Variants in AP3B1 observed in about 807,000 individuals in gnomAD.
AP3B1 encodes adaptor related protein complex 3 subunit beta 1.
Under a neutral mutation model 132.5 loss-of-function variants are expected in AP3B1, and 61 were observed. The ratio of observed to expected loss-of-function variants is 0.46; its 90% CI spans 0.37 to 0.57. The LOEUF is 0.57. AP3B1 is among the 20% of genes least tolerant of loss of function. AP3B1 has a pLI of 0.00. For synonymous variants in AP3B1, 388 were observed against 438.3 expected (o/e 0.89, Z 1.43); for missense variants, 1,120 against 1,289.4 (o/e 0.87, Z 2.01).
chr5:78,217,261 A>C (rs1353371653), intron 6 of AP3B1, among the ~76,000 whole-genome samples: 1 of 152,180 alleles, frequency 6.6e-6, no homozygotes, highest in Non-Finnish European at 1.5e-5. Flanking sequence ...GCTGACATTT[A>C]GTTTATTAAT....
chr5:78,207,566 C>T (rs919445339), intron 7 of AP3B1, among the ~76,000 whole-genome samples: 1 of 151,762 alleles, frequency 6.6e-6, no homozygotes, highest in Non-Finnish European at 1.5e-5. Flanking sequence ...ATGTAAACAT[C>T]GAATTTTTAA....
rs935062052 is a variant in AP3B1 at position 78,194,247 on chromosome 5, G to A, written c.787-12585C>T. ...TTATGCATATCATTTCAACCATCTT[G>A]ATATTCTGATTTCTTGTTATACAGA... On this transcript the variant is annotated intron_variant, in intron 7 of 26. Coordinates refer to ENST00000255194, the MANE Select transcript of AP3B1 (RefSeq NM_003664.5). 5.9e-5 allele frequency among the ~76,000 whole-genome samples: 9 copies of A among 151,986 alleles called. No individual in the cohort carries two copies. The East Asian group carries it at 1.7e-3, about 29-fold the overall frequency.
chr5:78,003,418 C>G (rs1746264342), intron 26 of AP3B1: 2 of 577,412 alleles, frequency 3.5e-6, no homozygotes, highest in South Asian at 7.7e-5. Context: ...TTTAAATAAG[C>G]CATTGTATTT....
At chr5:78,204,311 G>A (rs982945172) in intron 7 of AP3B1, among the ~76,000 whole-genome samples, 1 of 152,158 alleles carries the variant, frequency 6.6e-6, no homozygotes, top group African/African-American at 2.4e-5. Context: ...TTTGTTGCAT[G>A]TGGTCATGGA....
At chr5:78,046,778 G>A (rs903399461) in intron 22 of AP3B1, among the ~76,000 whole-genome samples, 1 of 151,672 alleles carries the variant, frequency 6.6e-6, no homozygotes, top group African/African-American at 2.4e-5. Context: ...AGGTATACAC[G>A]TGCCAAGGTG....
rs143931388 is a variant in AP3B1, at chr5:78,043,665, C to T, written c.2578-4391G>A. On this transcript the variant is annotated intron_variant, in intron 22 of 26. Coordinates refer to ENST00000255194, the MANE Select transcript of AP3B1 (RefSeq NM_003664.5). ...TGGTCAGCACATACAGTGAAGGAAC[C>T]CCCAGCAGAGACTCCCAGGCATACT... 1.7e-3 allele frequency: 763 copies of T among 454,854 alleles called. 8 individuals are homozygous for T. Among genetic ancestry groups the T allele is most frequent in the African/African-American group, 0.014 (712 of 49,372 alleles). 28.2% of individuals were successfully genotyped at this position (454,854 alleles called of 1,614,324 possible). A position where few individuals can be genotyped will look rare whatever the true frequency, so the allele number is the denominator to read the frequency against.
intron 24 of AP3B1, among the ~76,000 whole-genome samples, chr5:78,028,142 G>T (rs1450063977): frequency 1.3e-5 from 2 of 151,884 alleles, no homozygotes; most frequent in Admixed American, 6.6e-5. Context: ...CAAAAAAAAA[G>T]AAAATAATTA....
chr5:78,108,429 T>G (rs561391441), intron 20 of AP3B1, among the ~76,000 whole-genome samples: 1 of 152,184 alleles, frequency 6.6e-6, no homozygotes, highest in Non-Finnish European at 1.5e-5. Flanking sequence ...GTAGTTATGG[T>G]AGCTCCAAGG....
At chr5:78,120,832 A>C (rs1445545755) in intron 17 of AP3B1, among the ~76,000 whole-genome samples, 1 of 152,220 alleles carries the variant, frequency 6.6e-6, no homozygotes, top group Non-Finnish European at 1.5e-5. Context: ...TCAGCTCTGC[A>C]CCAAGCAGAC....
At chr5:78,039,004 C>G (rs1438567581) in intron 23 of AP3B1, 39 bp downstream of exon 23, 1 of 1,247,578 alleles carries the variant, frequency 8.0e-7, no homozygotes, top group Non-Finnish European at 1.2e-6. Context: ...ATTTAGTGAT[C>G]AAATATAGTT....
intron 3 of AP3B1, among the ~76,000 whole-genome samples, chr5:78,229,071 T>C (rs1746519130): frequency 6.6e-6 from 1 of 152,136 alleles, no homozygotes; most frequent in African/African-American, 2.4e-5. Flanking sequence ...TGGCTGGAAC[T>C]ACAGGTATGC....
chr5:78,253,741 C>T (rs1241483611), intron 2 of AP3B1, among the ~76,000 whole-genome samples: 8 of 152,000 alleles, frequency 5.3e-5, no homozygotes, highest in Middle Eastern at 6.8e-3. Flanking sequence ...CTGAGGTAGA[C>T]GGATCATGAA....
At chr5:78,277,010 T>G (rs1748809483) in intron 1 of AP3B1, among the ~76,000 whole-genome samples, 1 of 151,968 alleles carries the variant, frequency 6.6e-6, no homozygotes, top group Non-Finnish European at 1.5e-5. Context: ...GTACAAGTAA[T>G]AAAATAATAA....
At chr5:78,272,065 A>C (rs1561213254) in intron 1 of AP3B1, among the ~76,000 whole-genome samples, 1 of 152,196 alleles carries the variant, frequency 6.6e-6, no homozygotes, top group Non-Finnish European at 1.5e-5. Context: ...CACCTAAGAG[A>C]CTTCATAAGA....
rs766676426 is a variant in AP3B1 at position 78,046,343 on chromosome 5, C to T, written c.2578-7069G>A. Reference sequence around the variant, plus strand: ...GCGCATGCGAGGGATCTAGGCAGCACGCCCCTTATGAGCATCTAACGCCTG... The same window carrying T: ...GCGCATGCGAGGGATCTAGGCAGCATGCCCCTTATGAGCATCTAACGCCTG... On this transcript the variant is annotated intron_variant, in intron 22 of 26. Coordinates refer to ENST00000255194, the MANE Select transcript of AP3B1 (RefSeq NM_003664.5). 3.3e-5 allele frequency among the ~76,000 whole-genome samples: 5 copies of T among 152,172 alleles called. No homozygotes were observed. In the East Asian group the frequency reaches 5.8e-4, roughly 18 times the overall value.
intron 20 of AP3B1, among the ~76,000 whole-genome samples, chr5:78,108,800 C>A (rs1221398567): frequency 6.6e-6 from 1 of 152,058 alleles, no homozygotes; most frequent in African/African-American, 2.4e-5. Flanking sequence ...GGGTACAACA[C>A]AACATGATGT....
At chr5:78,136,416 G>A (rs1198026528) in intron 15 of AP3B1, among the ~76,000 whole-genome samples, 3 of 152,064 alleles carry the variant, frequency 2.0e-5, no homozygotes, top group Non-Finnish European at 4.4e-5. Context: ...GATTTCTTCT[G>A]CAAGAAATAC....
intron 3 of AP3B1, 78 bp downstream of exon 3, chr5:78,240,784 G>T: frequency 1.1e-6 from 1 of 944,600 alleles, no homozygotes; most frequent in Non-Finnish European, 1.7e-6. Flanking sequence ...AGTATCTTAT[G>T]TTGCATTATA....
intron 7 of AP3B1, among the ~76,000 whole-genome samples, chr5:78,193,468 T>G (rs1156727805): frequency 6.6e-6 from 1 of 151,834 alleles, no homozygotes; most frequent in East Asian, 1.9e-4. Flanking sequence ...TTGAAAGACT[T>G]TGAAATCTAC....
Sources: allele counts gnomAD v4.1 joint callset (sites outside exome capture counted in the v4.1 genomes callset), GRCh38; gene constraint gnomAD v4.1.1; transcripts MANE v1.5; gene names NCBI Gene and HGNC (gene_info 2026-07-23, HGNC 2026-07-21).